The following DESI2 variants were observed in gnomAD, a reference collection of about 807,000 sequenced individuals.
The protein encoded by DESI2 is desumoylating isopeptidase 2, also known as deubiquitinase DESI2.
Under a neutral mutation model 24.1 loss-of-function variants are expected in DESI2, and 10 were observed. The ratio of observed to expected loss-of-function variants is 0.41; its 90% CI spans 0.26 to 0.70. The LOEUF is 0.70. Among genes scored for constraint, DESI2 ranks in the 30% least tolerant of loss-of-function variants. The pLI, the probability that DESI2 is intolerant of heterozygous loss-of-function variation, is 0.29. For synonymous variants in DESI2, 71 were observed against 87.7 expected (o/e 0.81, Z 1.06); for missense variants, 122 against 234.9 (o/e 0.52, Z 3.14).
chr1:244,705,777 C>CACTAA lies in DESI2; in HGVS notation c.578_582dup (p.Ter195AsnfsTer30). Reference sequence around the variant, plus strand: ...CAGCAGGCTCCAGACCCGGGCGCCACACTAAACTATAAATGTCTCCAAAGT... The same window carrying CACTAA: ...CAGCAGGCTCCAGACCCGGGCGCCACACTAAACTAAACTATAAATGTCTCCAAAGT... On this transcript the variant is annotated frameshift_variant, in exon 5 of 5. Coordinates refer to ENST00000302550, the MANE Select transcript of DESI2 (RefSeq NM_016076.5). LOFTEE classifies it high-confidence loss of function. 6.2e-7 allele frequency: 1 copy of CACTAA among 1,608,962 alleles called. No individual in the cohort carries two copies. The highest frequency in any genetic ancestry group is 8.5e-7 in the Non-Finnish European group (1 of 1,179,020).
rs777872779 is a variant in DESI2 at position 244,706,060 on chromosome 1, T to C, written c.*271T>C. On this transcript the variant is annotated 3_prime_UTR_variant, in exon 5 of 5. Transcript: ENST00000302550. ...GTTTTATACAAGCTCTGTTAAGTTATGTTTACAGTATCTTGTATCGCTGTT... is the reference window on the plus strand; with the variant it reads ...GTTTTATACAAGCTCTGTTAAGTTACGTTTACAGTATCTTGTATCGCTGTT... 3.1e-5 allele frequency: 13 copies of C among 416,850 alleles called. No individual in the cohort carries two copies. The highest frequency in any genetic ancestry group is 5.7e-5 in the Non-Finnish European group (13 of 227,818). 25.8% of individuals were successfully genotyped at this position (416,850 alleles called of 1,614,324 possible). A position where few individuals can be genotyped will look rare whatever the true frequency, so the allele number is the denominator to read the frequency against.
intron 4 of DESI2, among the ~76,000 whole-genome samples, chr1:244,694,096 A>G (rs1195891028): frequency 6.6e-6 from 1 of 152,332 alleles, no homozygotes; most frequent in East Asian, 1.9e-4. Flanking sequence ...TATATTAATA[A>G]TTGATTGTTG....
intron 1 of DESI2, among the ~76,000 whole-genome samples, chr1:244,662,624 A>G (rs1417104028): frequency 6.6e-6 from 1 of 152,220 alleles, no homozygotes; most frequent in Non-Finnish European, 1.5e-5. Flanking sequence ...TAAAATATAT[A>G]TGAGATAGTA....
At chr1:244,685,047 G>A (rs1676767511) in intron 1 of DESI2, among the ~76,000 whole-genome samples, 9 of 152,098 alleles carry the variant, frequency 5.9e-5, no homozygotes, top group Admixed American at 4.6e-4. Flanking sequence ...GATCAAGAGG[G>A]ATACTTATAT....
chr1:244,691,866 TTTG>T lies in DESI2; in HGVS notation c.210-10_210-8del, dbSNP rs753793684. ...TATTTTTCTTTCTCTTTTTTTTCTT[TTTG>T]TTCTTTAAGAGAAGCTGTTGTTTTA... On this transcript the variant is annotated splice_polypyrimidine_tract_variant and intron_variant, in intron 3 of 4. Transcript: ENST00000302550. 1 of 1,548,472 alleles carries T rather than the reference TTTG, an allele frequency of 6.5e-7. No individual in the cohort carries two copies. The highest frequency in any genetic ancestry group is 8.6e-7 in the Non-Finnish European group (1 of 1,157,538).
chr1:244,659,197 A>C (rs10927291), intron 1 of DESI2, among the ~76,000 whole-genome samples: 1 of 141,160 alleles, frequency 7.1e-6, no homozygotes. Flanking sequence ...TTAGGGGGGA[A>C]GGGGGTGGGG....
At chr1:244,666,826 G>T (rs572932489) in intron 1 of DESI2, among the ~76,000 whole-genome samples, 137 of 152,206 alleles carry the variant, frequency 9.0e-4, no homozygotes, top group African/African-American at 3.2e-3. Context: ...CATGTGGCTC[G>T]GGAGGCCTCA....
At position 244,705,711 on chromosome 1, in the gene DESI2, A is replaced by G. The variant is rs1260763267; in HGVS notation, c.507A>G (p.Glu169=). The G allele has an allele frequency of 6.2e-7, 1 of 1,614,104 alleles. No homozygotes were observed. Among genetic ancestry groups the G allele is most frequent in the Non-Finnish European group, 8.5e-7 (1 of 1,180,034 alleles). ...AAGAACTCCAGGATGAACTGGAGGA[A>G]GCAGAGGATGCTGCCGCATCCGCTT... ...VSQELQDELE[E]AEDAAASASV... Residue 169 remains glutamate (E), a synonymous_variant, in exon 5 of 5, where the codon GAA becomes GAG. Transcript: ENST00000302550.
chr1:244,696,718 G>T (rs568623557), intron 4 of DESI2, among the ~76,000 whole-genome samples: 171 of 152,312 alleles, frequency 1.1e-3, no homozygotes, highest in Non-Finnish European at 2.0e-3. Flanking sequence ...AGAAAGGCCT[G>T]CCTGCAGGAT....
At chr1:244,653,844 C>CG in intron 1 of DESI2, 1 of 439,228 alleles carries the variant, frequency 2.3e-6, no homozygotes, top group Admixed American at 2.5e-5. Flanking sequence ...TCACAGCTTT[C>CG]GGGTGCCTGT....
At chr1:244,672,083 CA>C (rs953374414) in intron 1 of DESI2, among the ~76,000 whole-genome samples, 10 of 152,054 alleles carry the variant, frequency 6.6e-5, no homozygotes, top group African/African-American at 2.2e-4. Context: ...CTGTAATACC[CA>C]ACACTTTGGG....
chr1:244,702,100 C>G (rs191433159), intron 4 of DESI2, among the ~76,000 whole-genome samples: 1 of 152,354 alleles, frequency 6.6e-6, no homozygotes, highest in Non-Finnish European at 1.5e-5. Context: ...AGTTTACACA[C>G]ACACAGGCAT....
intron 1 of DESI2, among the ~76,000 whole-genome samples, chr1:244,668,797 C>T (rs926562668): frequency 7.2e-5 from 11 of 152,222 alleles, no homozygotes; most frequent in Admixed American, 2.0e-4. Flanking sequence ...ACAATCAATT[C>T]GTTTCTGTAA....
At chr1:244,653,736 A>G (rs1390798122) in intron 1 of DESI2, 2 of 347,546 alleles carry the variant, frequency 5.8e-6, no homozygotes, top group East Asian at 1.6e-4. Context: ...CCCCGTCCCG[A>G]CCGCCTGCGC....
intron 1 of DESI2, among the ~76,000 whole-genome samples, chr1:244,675,045 C>T (rs1676370043): frequency 6.6e-6 from 1 of 152,160 alleles, no homozygotes; most frequent in Non-Finnish European, 1.5e-5. Flanking sequence ...TGATTATAGT[C>T]ATCTGAGTAG....
intron 4 of DESI2, among the ~76,000 whole-genome samples, chr1:244,695,698 A>G (rs1677187346): frequency 6.6e-6 from 1 of 152,218 alleles, no homozygotes; most frequent in Non-Finnish European, 1.5e-5. Flanking sequence ...AATTCAAAAC[A>G]TATAAAAGTA....
intron 4 of DESI2, among the ~76,000 whole-genome samples, chr1:244,694,898 A>C (rs906353805): frequency 3.9e-5 from 6 of 152,336 alleles, no homozygotes; most frequent in Middle Eastern, 3.4e-3. Flanking sequence ...TTTAACAGAA[A>C]AAGTTTGCCA....
intron 4 of DESI2, among the ~76,000 whole-genome samples, chr1:244,701,355 A>G (rs1677454796): frequency 6.6e-6 from 1 of 152,044 alleles, no homozygotes; most frequent in African/African-American, 2.4e-5. Flanking sequence ...CATCTTTTCT[A>G]ATGGAGTCAA....
chr1:244,661,147 C>G (rs1675825335), intron 1 of DESI2, among the ~76,000 whole-genome samples: 1 of 152,182 alleles, frequency 6.6e-6, no homozygotes, highest in African/African-American at 2.4e-5. Context: ...AACTGAGACT[C>G]TATACCCACT....
Sources: allele counts gnomAD v4.1 joint callset (sites outside exome capture counted in the v4.1 genomes callset), GRCh38; gene constraint gnomAD v4.1.1; transcripts MANE v1.5; gene names NCBI Gene and HGNC (gene_info 2026-07-23, HGNC 2026-07-21).